TMEM248: variants seen among roughly 807,000 people sequenced by gnomAD.
TMEM248 encodes the protein transmembrane protein 248.
In TMEM248, 9 loss-of-function variants were observed where a neutral mutation model predicts 30.3. The observed-to-expected ratio is 0.30, with a 90% CI of 0.18 to 0.52. TMEM248 has a LOEUF of 0.52. Among genes scored for constraint, TMEM248 ranks in the 20% least tolerant of loss-of-function variants. The probability of loss-of-function intolerance (pLI) is 0.97; values close to 1 mark genes in which losing one functional copy is unlikely to be tolerated. For missense variants in TMEM248, 338 were observed against 403.3 expected (o/e 0.84, Z 1.39); for synonymous variants, 184 against 154.4 (o/e 1.19, Z -1.42).
intron 1 of TMEM248, among the ~76,000 whole-genome samples, chr7:66,923,873 C>T (rs1382126877): frequency 2.6e-5 from 4 of 152,066 alleles, no homozygotes; most frequent in African/African-American, 7.2e-5. Context: ...ACCATGTTGG[C>T]CAGGCTGGTC....
At chr7:66,944,916 C>A in intron 2 of TMEM248, 60 bp from the exon 3 acceptor site, 1 of 1,572,944 alleles carries the variant, frequency 6.4e-7, no homozygotes, top group Non-Finnish European at 8.7e-7. Flanking sequence ...TACCTGTATT[C>A]CCGCAGTGGG....
chr7:66,930,080 C>T (rs185218080), intron 1 of TMEM248, among the ~76,000 whole-genome samples: 74 of 152,128 alleles, frequency 4.9e-4, no homozygotes, highest in Admixed American at 2.9e-3. Context: ...GGATCGCTTG[C>T]GCCCAGGAAG....
At chr7:66,938,885 A>G (rs892094793) in intron 1 of TMEM248, among the ~76,000 whole-genome samples, 1 of 152,380 alleles carries the variant, frequency 6.6e-6, no homozygotes, top group Non-Finnish European at 1.5e-5. Context: ...TATACGTAAC[A>G]TATAAAACTG....
intron 6 of TMEM248, among the ~76,000 whole-genome samples, chr7:66,954,295 T>C (rs1792348976): frequency 6.6e-6 from 1 of 152,172 alleles, no homozygotes; most frequent in South Asian, 2.1e-4. Flanking sequence ...TAAATAGTTG[T>C]TACAGTGTAT....
rs112038443 is a variant in TMEM248 at position 66,944,707 on chromosome 7, A to C, written c.160-269A>C. Among the ~76,000 whole-genome samples the C allele has an allele frequency of 1.3e-3, 193 of 152,332 alleles. 1 individual carries two copies. The highest frequency in any genetic ancestry group is 4.5e-3 in the African/African-American group (186 of 41,566). On this transcript the variant is annotated intron_variant, in intron 2 of 6. Transcript: ENST00000341567. ...TGGATTTTTTAAAAAGATTTTCTTG[A>C]ATAAATTGATTTGATTTCACAGTTT...
intron 2 of TMEM248, among the ~76,000 whole-genome samples, chr7:66,943,637 T>A (rs371984763): frequency 6.7e-4 from 102 of 152,316 alleles, no homozygotes; most frequent in Admixed American, 2.2e-3. Flanking sequence ...AGAATGTTCA[T>A]TTTCAACCCT....
At position 66,951,083 on chromosome 7, in the gene TMEM248, T is replaced by C; in HGVS notation, c.728T>C (p.Ile243Thr). ...YNPFWCYKGA[I>T]GKVYHALNPK... is the part of the protein sequence containing the mutation. ...CCTTTCTGGTGTTATAAGGGGGCCA[T>C]TGGAAAAGTCTATCATGCTTTAAAT... Residue 243 changes from isoleucine (I) to threonine (T), a missense_variant, in exon 5 of 7, where the codon ATT (isoleucine) becomes ACT (threonine). Ile to Thr is a moderately conservative substitution (Grantham distance 89). Transcript: ENST00000341567. 1 of 1,608,934 alleles carries C rather than the reference T, an allele frequency of 6.2e-7. No individual in the cohort carries two copies. The highest frequency in any genetic ancestry group is 1.7e-5 in the Admixed American group (1 of 58,156).
intron 1 of TMEM248, among the ~76,000 whole-genome samples, chr7:66,927,870 C>T (rs1335657501): frequency 2.0e-5 from 3 of 152,120 alleles, no homozygotes. Flanking sequence ...GTCTTTGCTT[C>T]ATACTCTTAA....
chr7:66,955,495 C>T lies in TMEM248; in HGVS notation c.925-7C>T, dbSNP rs565369013. On this transcript the variant is annotated splice_region_variant and splice_polypyrimidine_tract_variant and intron_variant, in intron 6 of 6. Coordinates refer to ENST00000341567, the MANE Select transcript of TMEM248 (RefSeq NM_017994.5). ...TTGACTGGTTTCCCTGGCTTGCTGT[C>T]TTCCAGGTGGCTTTGGCTGAAGCCT... The T allele has an allele frequency of 2.0e-5, 33 of 1,613,968 alleles. No individual in the cohort carries two copies. The highest frequency in any genetic ancestry group is 1.6e-4 in the Middle Eastern group (1 of 6,080).
At chr7:66,921,571 A>C (rs1289948068) in intron 1 of TMEM248, 110 bp downstream of exon 1, 1 of 151,892 alleles carries the variant, frequency 6.6e-6, no homozygotes, top group Admixed American at 6.6e-5. Flanking sequence ...GGCTTTTTTC[A>C]CCGCTTCTCA....
intron 3 of TMEM248, 96 bp downstream of exon 3, chr7:66,945,357 G>C (rs1015565990): frequency 7.4e-7 from 1 of 1,342,586 alleles, no homozygotes; most frequent in Non-Finnish European, 1.0e-6. Flanking sequence ...TATTGTACTA[G>C]ATTGTAGTCT....
At position 66,929,798 on chromosome 7, in the gene TMEM248, T is replaced by C. The variant is rs1221251648; in HGVS notation, c.-19+8337T>C. 2.6e-5 allele frequency among the ~76,000 whole-genome samples: 4 copies of C among 152,020 alleles called. No homozygotes were observed. In the East Asian group the frequency reaches 7.7e-4, roughly 29 times the overall value. On this transcript the variant is annotated intron_variant, in intron 1 of 6. Coordinates refer to ENST00000341567, the MANE Select transcript of TMEM248 (RefSeq NM_017994.5). ...GTGGGGATGGAGTGAGAGCTGCCCT[T>C]GAGAGACACTTAAAATGTGGAAACG...
intron 4 of TMEM248, among the ~76,000 whole-genome samples, chr7:66,950,631 A>C (rs576950553): frequency 6.6e-6 from 1 of 152,294 alleles, no homozygotes; most frequent in South Asian, 2.1e-4. Flanking sequence ...TCATTTGAGA[A>C]GATAGGCTTA....
Position 66,931,392 on chromosome 7 carries a change from T to C in TMEM248, c.-19+9931T>C, listed in dbSNP as rs569869534. On this transcript the variant is annotated intron_variant, in intron 1 of 6. Coordinates refer to ENST00000341567, the MANE Select transcript of TMEM248 (RefSeq NM_017994.5). ...TAGCCATGTGTACATATGCGGGCTT[T>C]GGAGAGAGGGAGAAACTGAAAGGCT... is the stretch of plus-strand genomic sequence containing the variant. 1.3e-4 allele frequency among the ~76,000 whole-genome samples: 20 copies of C among 151,992 alleles called. No individual in the cohort carries two copies. In the East Asian group the frequency reaches 1.4e-3, roughly 10 times the overall value.
chr7:66,948,707 G>A lies in TMEM248; in HGVS notation c.596+13G>A, dbSNP rs145349557. 36,932 of 1,592,746 alleles carry A rather than the reference G, an allele frequency of 0.023. 544 individuals are homozygous for A. The highest frequency in any genetic ancestry group is 0.026 in the Non-Finnish European group (30,363 of 1,163,278). On this transcript the variant is annotated intron_variant, in intron 4 of 6. Transcript: ENST00000341567. ...TCCCCGTCACTGTGTAAGTGTACCC[G>A]GCACCTGATGAACGTGCGTAACAAG...
At chr7:66,946,100 A>AAG (rs1554336638) in intron 3 of TMEM248, among the ~76,000 whole-genome samples, 1 of 149,038 alleles carries the variant, frequency 6.7e-6, no homozygotes, top group Non-Finnish European at 1.5e-5. Flanking sequence ...AAAAAAAAAA[A>AAG]GAAGTCAGCT....
In TMEM248 at chr7:66,953,312, T is replaced by C; in HGVS notation, c.867T>C (p.Val289=). The C allele has an allele frequency of 1.2e-6, 2 of 1,614,198 alleles. No individual in the cohort carries two copies. Among genetic ancestry groups the C allele is most frequent in the Non-Finnish European group, 1.7e-6 (2 of 1,180,034 alleles). The change falls in exon 6 of 7, where the codon GTT becomes GTC. Residue 289 remains valine (V), a synonymous_variant. Coordinates refer to ENST00000341567, the MANE Select transcript of TMEM248 (RefSeq NM_017994.5). ...TGATAACAATGTTTTGCTATGCTGT[T>C]ATCAAGGGCAGACCTAGCAAATTGC... is the stretch of plus-strand genomic sequence containing the variant. ...VMVITMFCYA[V]IKGRPSKLRQ... is the part of the protein sequence containing the mutation.
At chr7:66,927,931 T>C (rs2129220650) in intron 1 of TMEM248, among the ~76,000 whole-genome samples, 1 of 152,152 alleles carries the variant, frequency 6.6e-6, no homozygotes, top group African/African-American at 2.4e-5. Flanking sequence ...AAATGGAAAA[T>C]AGGCTGAGCA....
chr7:66,922,820 C>G (rs966054849), intron 1 of TMEM248, among the ~76,000 whole-genome samples: 3 of 152,046 alleles, frequency 2.0e-5, no homozygotes, highest in African/African-American at 7.2e-5. Flanking sequence ...ATCCTCCTGC[C>G]TCAGCCTCCC....
Sources: allele counts gnomAD v4.1 joint callset (sites outside exome capture counted in the v4.1 genomes callset), GRCh38; gene constraint gnomAD v4.1.1; transcripts MANE v1.5; gene names NCBI Gene and HGNC (gene_info 2026-07-23, HGNC 2026-07-21).